Variants in LSM14A observed in about 807,000 individuals in gnomAD.
LSM14A encodes the protein LSM14A mRNA processing body assembly factor, also known as protein LSM14 homolog A.
LSM14A carries 14 observed loss-of-function variants against 52.4 expected under a neutral mutation model. The ratio of observed to expected loss-of-function variants is 0.27; its 90% CI spans 0.18 to 0.42. LSM14A has a LOEUF of 0.42. Ranked by LOEUF, LSM14A falls within the 10% of genes least tolerant of loss-of-function variation. The pLI is 1.00. For missense variants in LSM14A, 417 were observed against 581.8 expected, an observed-to-expected ratio of 0.72 and a Z score of 2.91; for synonymous variants, 185 against 200.3, an observed-to-expected ratio of 0.92 and a Z score of 0.64.
chr19:34,220,392 A>G (rs1355658973), intron 8 of LSM14A, among the ~76,000 whole-genome samples: 2 of 152,274 alleles, frequency 1.3e-5, no homozygotes, highest in Non-Finnish European at 2.9e-5. Context: ...CAATTAAAAC[A>G]AGCATTTAGG....
At chr19:34,182,979 C>G (rs1258277241) in intron 1 of LSM14A, among the ~76,000 whole-genome samples, 1 of 152,100 alleles carries the variant, frequency 6.6e-6, no homozygotes, top group South Asian at 2.1e-4. Context: ...GCCTCCTGCT[C>G]CCCAGCCTTG....
intron 1 of LSM14A, among the ~76,000 whole-genome samples, chr19:34,179,853 T>C (rs2069348812): frequency 6.6e-6 from 1 of 152,196 alleles, no homozygotes; most frequent in African/African-American, 2.4e-5. Flanking sequence ...ATAGAAACAA[T>C]TTGTCTTTCT....
chr19:34,200,956 A>T (rs2071245003), intron 3 of LSM14A, among the ~76,000 whole-genome samples: 1 of 152,240 alleles, frequency 6.6e-6, no homozygotes, highest in South Asian at 2.1e-4. Flanking sequence ...GTAACTAATT[A>T]TGTTAAAAAA....
At chr19:34,206,228 A>C (rs1385463578) in intron 3 of LSM14A, among the ~76,000 whole-genome samples, 1 of 152,186 alleles carries the variant, frequency 6.6e-6, no homozygotes, top group African/African-American at 2.4e-5. Flanking sequence ...TCAGATAGCT[A>C]TGCACCATGA....
chr19:34,220,533 G>GA (rs2072985129), intron 8 of LSM14A, among the ~76,000 whole-genome samples: 1 of 152,180 alleles, frequency 6.6e-6, no homozygotes, highest in Non-Finnish European at 1.5e-5. Context: ...TGTGGGTCCA[G>GA]AAAATTGGCA....
chr19:34,224,205 A>C (rs1265233012), intron 9 of LSM14A, among the ~76,000 whole-genome samples: 1 of 152,096 alleles, frequency 6.6e-6, no homozygotes, highest in Non-Finnish European at 1.5e-5. Context: ...GGTGGCACAC[A>C]CCTGTAATCC....
intron 3 of LSM14A, among the ~76,000 whole-genome samples, chr19:34,207,324 A>G (rs2071777536): frequency 6.6e-6 from 1 of 152,118 alleles, no homozygotes; most frequent in Admixed American, 6.5e-5. Flanking sequence ...TGTCTTGGTC[A>G]TCACCCAGGA....
intron 3 of LSM14A, among the ~76,000 whole-genome samples, chr19:34,197,431 CTTTTTTTTTTTT>C (rs531343486): frequency 1.6e-5 from 1 of 63,304 alleles, no homozygotes; most frequent in African/African-American, 6.5e-5. Context: ...ATTTCTTTTT[CTTTTTTTTTTTT>C]TTTTTTTTTT....
Position 34,227,403 on chromosome 19 carries a change from T to C in LSM14A, c.*15T>C. ...TTGCTGCATAGTCTACAAACAAGTC[T>C]CTGAAAATAGGTGAATTTCTAGCTC... is the stretch of plus-strand genomic sequence containing the variant. On this transcript the variant is annotated 3_prime_UTR_variant, in exon 10 of 10. Transcript: ENST00000544216. The C allele has an allele frequency of 1.3e-6, 2 of 1,583,204 alleles. No individual in the cohort carries two copies. Among genetic ancestry groups the C allele is most frequent in the East Asian group, 2.3e-5 (1 of 44,230 alleles).
At chr19:34,188,850 A>G (rs909438016) in intron 1 of LSM14A, among the ~76,000 whole-genome samples, 3 of 151,128 alleles carry the variant, frequency 2.0e-5, no homozygotes, top group Non-Finnish European at 4.4e-5. Context: ...TCATATATAT[A>G]AGATATATAG....
intron 3 of LSM14A, among the ~76,000 whole-genome samples, chr19:34,204,969 T>C (rs1025766630): frequency 2.6e-5 from 4 of 151,052 alleles, no homozygotes; most frequent in African/African-American, 9.8e-5. Flanking sequence ...TCGTCTCTAT[T>C]AAAAATACAA....
intron 1 of LSM14A, among the ~76,000 whole-genome samples, chr19:34,189,896 G>T (rs922584636): frequency 6.6e-6 from 1 of 152,190 alleles, no homozygotes; most frequent in African/African-American, 2.4e-5. Flanking sequence ...AAACAGTAAA[G>T]GTGACCAGAA....
chr19:34,184,573 C>G (rs981245143), intron 1 of LSM14A, among the ~76,000 whole-genome samples: 1 of 152,134 alleles, frequency 6.6e-6, no homozygotes, highest in African/African-American at 2.4e-5. Context: ...TATTTACATA[C>G]AGAAACATTT....
At chr19:34,219,649 T>A in intron 7 of LSM14A, 57 bp from the exon 8 acceptor site, 9 of 1,574,046 alleles carry the variant, frequency 5.7e-6, no homozygotes, top group Non-Finnish European at 7.8e-6. Context: ...GATTAGGTGT[T>A]TTTATGTAAT....
intron 4 of LSM14A, among the ~76,000 whole-genome samples, chr19:34,214,497 CAG>C (rs2072427814): frequency 1.3e-5 from 2 of 151,978 alleles, no homozygotes; most frequent in African/African-American, 4.8e-5. Context: ...TCAGTAGAGA[CAG>C]GGTTTCGCCA....
At chr19:34,218,870 G>T (rs80133321) in intron 6 of LSM14A, among the ~76,000 whole-genome samples, 1 of 152,120 alleles carries the variant, frequency 6.6e-6, no homozygotes, top group East Asian at 1.9e-4. Flanking sequence ...GTGCTTGTCT[G>T]TTTTTTATCT....
intron 1 of LSM14A, among the ~76,000 whole-genome samples, chr19:34,183,334 C>T (rs2069639724): frequency 6.6e-6 from 1 of 152,022 alleles, no homozygotes; most frequent in African/African-American, 2.4e-5. Flanking sequence ...GGGCGGATTA[C>T]GAGGTCAGGA....
intron 6 of LSM14A, among the ~76,000 whole-genome samples, chr19:34,216,944 A>G (rs190062707): frequency 3.9e-5 from 6 of 152,178 alleles, no homozygotes; most frequent in Middle Eastern, 3.4e-3. Context: ...TCATGTTACA[A>G]GTTTGAAACG....
At chr19:34,189,012 A>G (rs1325082265) in intron 1 of LSM14A, among the ~76,000 whole-genome samples, 1 of 152,082 alleles carries the variant, frequency 6.6e-6, no homozygotes, top group Non-Finnish European at 1.5e-5. Context: ...AGCAAACTAT[A>G]TTGTGTGCTT....
Sources: allele counts gnomAD v4.1 joint callset (sites outside exome capture counted in the v4.1 genomes callset), GRCh38; gene constraint gnomAD v4.1.1; transcripts MANE v1.5; gene names NCBI Gene and HGNC (gene_info 2026-07-23, HGNC 2026-07-21).